MICAL3: variants seen among roughly 807,000 people sequenced by gnomAD.
MICAL3 encodes the protein [F-actin]-monooxygenase MICAL3.
In MICAL3, 62 loss-of-function variants were observed where a neutral mutation model predicts 207.4. That is an observed-to-expected ratio of 0.30 (90% CI 0.24 to 0.37). The LOEUF (loss-of-function observed/expected upper bound fraction) is 0.37, where lower values mean the gene tolerates loss of function less well. Ranked by LOEUF, MICAL3 falls within the 10% of genes least tolerant of loss-of-function variation. The pLI is 1.00. For synonymous variants in MICAL3, 1,077 were observed against 1,069.3 expected (o/e 1.01, Z -0.14); for missense variants, 2,368 against 2,635.6 (o/e 0.90, Z 2.22).
At chr22:17,917,063 G>A (rs1350049052) in intron 1 of MICAL3, among the ~76,000 whole-genome samples, 1 of 151,866 alleles carries the variant, frequency 6.6e-6, no homozygotes, top group African/African-American at 2.4e-5. Flanking sequence ...AAAATTGCTG[G>A]TGCCCACTGT....
chr22:17,943,887 TTTTACC>T (rs1212048324), intron 1 of MICAL3, among the ~76,000 whole-genome samples: 1 of 152,194 alleles, frequency 6.6e-6, no homozygotes, highest in African/African-American at 2.4e-5. Context: ...GGAGTTTTTC[TTTTACC>T]TTTTTCTACA....
At chr22:17,833,033 C>T (rs1488892993) in intron 20 of MICAL3, among the ~76,000 whole-genome samples, 1 of 152,180 alleles carries the variant, frequency 6.6e-6, no homozygotes, top group African/African-American at 2.4e-5. Context: ...CAGCTGCAGG[C>T]AAGCGTGGCC....
chr22:17,845,514 G>A (rs549963358), intron 19 of MICAL3, among the ~76,000 whole-genome samples: 1 of 152,258 alleles, frequency 6.6e-6, no homozygotes, highest in Non-Finnish European at 1.5e-5. Flanking sequence ...AGAACATAGA[G>A]AGAGTGAGTC....
intron 1 of MICAL3, among the ~76,000 whole-genome samples, chr22:17,907,489 G>A (rs899883024): frequency 6.6e-6 from 1 of 152,240 alleles, no homozygotes; most frequent in Admixed American, 6.5e-5. Context: ...GCACACGTGA[G>A]CTCCAAGTGG....
intron 1 of MICAL3, among the ~76,000 whole-genome samples, chr22:17,948,238 C>T (rs1934167792): frequency 2.6e-5 from 4 of 152,354 alleles, no homozygotes; most frequent in South Asian, 4.1e-4. Flanking sequence ...CAAGTGCCCC[C>T]GCAGGAGGAT....
intron 21 of MICAL3, among the ~76,000 whole-genome samples, chr22:17,829,949 C>T (rs914394327): frequency 2.0e-5 from 3 of 152,162 alleles, no homozygotes; most frequent in African/African-American, 7.2e-5. Context: ...TGTGCAGAGC[C>T]CGTCAGCACA....
chr22:17,978,284 A>G (rs999846413), intron 1 of MICAL3, among the ~76,000 whole-genome samples: 13 of 152,256 alleles, frequency 8.5e-5, no homozygotes, highest in Non-Finnish European at 5.9e-5. Context: ...GAAAGCAGCC[A>G]GTTACAAAAG....
chr22:17,943,533 T>C (rs400509), intron 1 of MICAL3, among the ~76,000 whole-genome samples: 35,264 of 152,160 alleles, frequency 0.23, 4,721 homozygotes, highest in East Asian at 0.52. Flanking sequence ...GAAAAAAGTA[T>C]TGTTGCTCTC....
At chr22:17,822,239 C>G in intron 23 of MICAL3, 69 bp from the exon 24 acceptor site, 3 of 1,535,236 alleles carry the variant, frequency 2.0e-6, no homozygotes, top group Non-Finnish European at 2.6e-6. Flanking sequence ...CACCTGAGAG[C>G]AGCCGCGCCA....
At chr22:17,836,787 C>A (rs934123760) in intron 20 of MICAL3, among the ~76,000 whole-genome samples, 1 of 152,006 alleles carries the variant, frequency 6.6e-6, no homozygotes, top group Non-Finnish European at 1.5e-5. Context: ...TGGGACTACT[C>A]GGCCCGCCAC....
intron 29 of MICAL3, among the ~76,000 whole-genome samples, chr22:17,804,374 A>C (rs1317077735): frequency 6.6e-6 from 1 of 152,178 alleles, no homozygotes; most frequent in Non-Finnish European, 1.5e-5. Context: ...CCACGACCCC[A>C]CTGCTGACTC....
At chr22:17,833,585 C>T (rs1038196462) in intron 20 of MICAL3, among the ~76,000 whole-genome samples, 1 of 152,202 alleles carries the variant, frequency 6.6e-6, no homozygotes, top group Non-Finnish European at 1.5e-5. Context: ...GGACTCCAGC[C>T]CTTGTCCTTG....
At chr22:17,972,312 C>T (rs1935450786) in intron 1 of MICAL3, among the ~76,000 whole-genome samples, 1 of 152,202 alleles carries the variant, frequency 6.6e-6, no homozygotes, top group South Asian at 2.1e-4. Context: ...GTTCAAGTCA[C>T]ATGGTCCACT....
chr22:17,873,398 C>T (rs1927930403), intron 16 of MICAL3, among the ~76,000 whole-genome samples: 1 of 152,246 alleles, frequency 6.6e-6, no homozygotes, highest in African/African-American at 2.4e-5. Context: ...GACGCTTGAC[C>T]CCACAATGCC....
intron 20 of MICAL3, among the ~76,000 whole-genome samples, chr22:17,836,931 C>T (rs974540206): frequency 4.6e-5 from 7 of 152,138 alleles, no homozygotes; most frequent in Admixed American, 6.5e-5. Context: ...CAGGCATGAG[C>T]CACTGTGCCC....
At chr22:17,829,277 C>T (rs2146037324) in intron 21 of MICAL3, among the ~76,000 whole-genome samples, 1 of 152,122 alleles carries the variant, frequency 6.6e-6, no homozygotes, top group Non-Finnish European at 1.5e-5. Context: ...AGCAATTCTC[C>T]TGCCTCAGCC....
chr22:18,023,176 C>T (rs1924591889), intron 1 of MICAL3, among the ~76,000 whole-genome samples: 1 of 96,450 alleles, frequency 1.0e-5, no homozygotes, highest in Non-Finnish European at 1.9e-5. Flanking sequence ...ATTAGAATCA[C>T]CTGGGAAGTT....
chr22:17,876,644 G>GGGACTGGGTA (rs1318419756), intron 16 of MICAL3: 1 of 152,660 alleles, frequency 6.6e-6, no homozygotes, highest in East Asian at 1.9e-4. Flanking sequence ...GGAGGAGTGG[G>GGGACTGGGTA]GGACTGGGTA....
intron 25 of MICAL3, 112 bp from the exon 26 acceptor site, chr22:17,819,241 T>A: frequency 3.8e-6 from 4 of 1,064,532 alleles, no homozygotes; most frequent in Non-Finnish European, 5.0e-6. Flanking sequence ...GCTGCAGGAC[T>A]TCCCCGTCCT....
Sources: gnomAD v4.1 joint callset for allele counts (sites outside exome capture counted in the v4.1 genomes callset) on GRCh38, gnomAD v4.1.1 for gene constraint, MANE v1.5 for transcripts, NCBI Gene and HGNC (gene_info 2026-07-23, HGNC 2026-07-21) for gene names.